NBAS: variants seen among roughly 807,000 people sequenced by gnomAD.
NBAS encodes NAG/BC035112 fusion.
In NBAS, 219 loss-of-function variants were observed where a neutral mutation model predicts 302.5. The ratio of observed to expected loss-of-function variants is 0.72; its 90% CI spans 0.65 to 0.81. The LOEUF (loss-of-function observed/expected upper bound fraction) is 0.81, where lower values mean the gene tolerates loss of function less well. NBAS is among the 30% of genes least tolerant of loss of function. The probability of loss-of-function intolerance (pLI) is 0.00; values close to 1 mark genes in which losing one functional copy is unlikely to be tolerated. For synonymous variants in NBAS, 1,118 were observed against 1,021.6 expected, an observed-to-expected ratio of 1.09 and a Z score of -1.80; for missense variants, 2,932 against 2,841.6, an observed-to-expected ratio of 1.03 and a Z score of -0.72.
intron 51 of NBAS, among the ~76,000 whole-genome samples, chr2:15,175,451 T>C (rs1182678716): frequency 6.6e-6 from 1 of 152,180 alleles, no homozygotes; most frequent in Non-Finnish European, 1.5e-5. Flanking sequence ...CCGTTATAAA[T>C]ACGTATCTGC....
At chr2:15,438,964 G>A (rs1288828220) in intron 21 of NBAS, among the ~76,000 whole-genome samples, 1 of 152,106 alleles carries the variant, frequency 6.6e-6, no homozygotes, top group Non-Finnish European at 1.5e-5. Flanking sequence ...TAATCTGTAG[G>A]GTAACAGGTT....
chr2:15,477,014 G>A (rs1680222130), intron 13 of NBAS, among the ~76,000 whole-genome samples: 1 of 152,136 alleles, frequency 6.6e-6, no homozygotes, highest in Non-Finnish European at 1.5e-5. Flanking sequence ...GGCAATCCAT[G>A]TAAATAAGAA....
chr2:15,038,783 C>T, the NBAS span, among the ~76,000 whole-genome samples: 2 of 152,218 alleles, frequency 1.3e-5, no homozygotes, highest in African/African-American at 4.8e-5. Flanking sequence ...GTTCCCAAAG[C>T]TAATTTGGCC....
intron 42 of NBAS, among the ~76,000 whole-genome samples, chr2:15,285,930 G>C (rs1670020584): frequency 1.3e-5 from 2 of 152,160 alleles, no homozygotes; most frequent in Admixed American, 6.5e-5. Context: ...AAAGTGTTGG[G>C]ATTACAGGCG....
intron 12 of NBAS, among the ~76,000 whole-genome samples, chr2:15,480,760 T>TAAAAAAA (rs1680396578): frequency 6.6e-6 from 1 of 152,170 alleles, no homozygotes; most frequent in Non-Finnish European, 1.5e-5. Flanking sequence ...AGGTTTTAAT[T>TAAAAAAA]ATCTTGATTT....
intron 48 of NBAS, among the ~76,000 whole-genome samples, chr2:15,201,424 C>A (rs1321757238): frequency 6.6e-6 from 1 of 152,160 alleles, no homozygotes; most frequent in Non-Finnish European, 1.5e-5. Flanking sequence ...GTTGTGTCTA[C>A]TGGATTGAAT....
chr2:15,145,397 T>TTGTGTG, the NBAS span, among the ~76,000 whole-genome samples: 1 of 90,898 alleles, frequency 1.1e-5, no homozygotes, highest in East Asian at 3.6e-4. Flanking sequence ...ATGTGTTTGT[T>TTGTGTG]TGTATGTGTG....
the NBAS span, among the ~76,000 whole-genome samples, chr2:15,095,675 C>G: frequency 4.6e-5 from 7 of 152,194 alleles, no homozygotes; most frequent in Non-Finnish European, 1.0e-4. Flanking sequence ...ACGGACCCAG[C>G]TCCCATGAAC....
intron 44 of NBAS, among the ~76,000 whole-genome samples, chr2:15,258,346 A>G (rs188542578): frequency 6.6e-6 from 1 of 152,270 alleles, no homozygotes; most frequent in African/African-American, 2.4e-5. Context: ...ATTTTAGGGA[A>G]CAAGGTAAGG....
chr2:15,424,277 A>G, intron 23 of NBAS, 38 bp downstream of exon 23: 1 of 1,612,362 alleles, frequency 6.2e-7, no homozygotes, highest in African/African-American at 1.3e-5. Context: ...AGGCAGTTCC[A>G]CTAACATTAC....
the NBAS span, among the ~76,000 whole-genome samples, chr2:15,097,891 GTTA>G: frequency 4.4e-4 from 54 of 121,654 alleles, 1 homozygote; most frequent in South Asian, 1.9e-3. Context: ...CCATTAAATG[GTTA>G]TTATTATATT....
the NBAS span, among the ~76,000 whole-genome samples, chr2:14,926,919 A>C: frequency 6.6e-6 from 1 of 152,262 alleles, no homozygotes; most frequent in African/African-American, 2.4e-5. Context: ...GCTGAACATT[A>C]TTCTGGATGT....
At chr2:15,050,354 A>G in the NBAS span, among the ~76,000 whole-genome samples, 1 of 149,908 alleles carries the variant, frequency 6.7e-6, no homozygotes, top group African/African-American at 2.5e-5. Flanking sequence ...ATGGGTCCAC[A>G]GTCCTTTATC....
chr2:15,036,344 G>C, the NBAS span, among the ~76,000 whole-genome samples: 122,113 of 152,198 alleles, frequency 0.8, 49,507 homozygotes, highest in East Asian at 1. Context: ...AGGTGTACTA[G>C]ACATTTTATA....
At chr2:15,248,360 TA>T (rs1451921733) in intron 44 of NBAS, among the ~76,000 whole-genome samples, 2 of 152,192 alleles carry the variant, frequency 1.3e-5, no homozygotes, top group African/African-American at 4.8e-5. Context: ...AAGAAACACC[TA>T]AAGTTGACAC....
At chr2:14,846,286 TAGAAAACCTATTATATAC>T in the NBAS span, among the ~76,000 whole-genome samples, 1 of 152,050 alleles carries the variant, frequency 6.6e-6, no homozygotes, top group South Asian at 2.1e-4. Flanking sequence ...CAGAAACTTA[TAGAAAACCTATTATATAC>T]TTTTACAGAA....
At chr2:15,130,733 G>C in the NBAS span, among the ~76,000 whole-genome samples, 1 of 152,180 alleles carries the variant, frequency 6.6e-6, no homozygotes, top group Non-Finnish European at 1.5e-5. Flanking sequence ...TCAGTGCGGG[G>C]ATCATCTCTT....
the NBAS span, among the ~76,000 whole-genome samples, chr2:14,873,818 C>A: frequency 6.7e-6 from 1 of 149,924 alleles, no homozygotes; most frequent in South Asian, 2.1e-4. Context: ...GTGGCTAAGG[C>A]AGTACTTAAA....
the NBAS span, among the ~76,000 whole-genome samples, chr2:14,849,228 T>A: frequency 1.3e-5 from 2 of 150,682 alleles, no homozygotes; most frequent in African/African-American, 4.9e-5. Flanking sequence ...GAGAAGTGCT[T>A]AAAGGAGCTG....
Sources: allele counts gnomAD v4.1 joint callset (sites outside exome capture counted in the v4.1 genomes callset), GRCh38; gene constraint gnomAD v4.1.1; transcripts MANE v1.5; gene names NCBI Gene and HGNC (gene_info 2026-07-23, HGNC 2026-07-21).